ABCC5: variants seen among roughly 807,000 people sequenced by gnomAD.
ABCC5 encodes ATP binding cassette subfamily C member 5, also known as ATP-binding cassette sub-family C member 5.
ABCC5 carries 61 observed loss-of-function variants against 160.9 expected under a neutral mutation model. The ratio of observed to expected loss-of-function variants is 0.38; its 90% CI spans 0.31 to 0.47. ABCC5 has a LOEUF of 0.47. Ranked by LOEUF, ABCC5 falls within the 20% of genes least tolerant of loss-of-function variation. The pLI, the probability that ABCC5 is intolerant of heterozygous loss-of-function variation, is 0.99. For synonymous variants in ABCC5, 666 were observed against 700.6 expected (o/e 0.95, Z 0.78); for missense variants, 1,308 against 1,813.3 (o/e 0.72, Z 5.06).
intron 5 of ABCC5, chr3:183,984,276 A>G (rs763206625): frequency 2.3e-5 from 23 of 985,762 alleles, no homozygotes; most frequent in Non-Finnish European, 2.8e-5. Flanking sequence ...TCTAAAAATC[A>G]ATCTTGACAA....
At position 183,989,292 on chromosome 3, in the gene ABCC5, T is replaced by C; in HGVS notation, c.221A>G (p.Glu74Gly). ...SMHSQLRILD[E>G]EHPKGKYHHG... ...ATGGTACTTTCCCTTGGGATGCTCC[T>C]CATCCAGGATTCTGAGCTGAGAATG... Residue 74 changes from glutamate (E) to glycine (G), a missense_variant, in exon 3 of 30, where the codon GAG (glutamate) becomes GGG (glycine). Transcript: ENST00000334444. 1 of 1,610,760 alleles carries C rather than the reference T, an allele frequency of 6.2e-7. No homozygotes were observed. The highest frequency in any genetic ancestry group is 8.5e-7 in the Non-Finnish European group (1 of 1,177,936).
At chr3:183,983,152 T>A in intron 5 of ABCC5, 145 bp from the exon 6 acceptor site, 1 of 705,668 alleles carries the variant, frequency 1.4e-6, no homozygotes, top group South Asian at 1.8e-5. Flanking sequence ...ACCCAATTAT[T>A]ACAAGCTGCC....
In ABCC5 at chr3:183,951,616, T is replaced by C; in HGVS notation, c.2815-46A>G. 1 of 1,601,866 alleles carries C rather than the reference T, an allele frequency of 6.2e-7. No homozygotes were observed. The highest frequency in any genetic ancestry group is 8.5e-7 in the Non-Finnish European group (1 of 1,173,820). Reference sequence around the variant, plus strand: ...TGGTCAGGGCCCAGGGACGGCTCTGTTCCTACTGGTCCAGAGAACCGCTCC... The same window carrying C: ...TGGTCAGGGCCCAGGGACGGCTCTGCTCCTACTGGTCCAGAGAACCGCTCC... On this transcript the variant is annotated intron_variant, in intron 19 of 29. Transcript: ENST00000334444. This position sits in a 1 kb window ranked among gnomAD's most constrained non-coding sequence, Gnocchi z 4.7.
At chr3:183,924,010 CTTTTTTTTTT>C (rs200040197) in intron 29 of ABCC5, among the ~76,000 whole-genome samples, 53,160 of 113,294 alleles carry the variant, frequency 0.47, 10,922 homozygotes, top group Middle Eastern at 0.61. Flanking sequence ...TTACTGTTTG[CTTTTTTTTTT>C]TTTTTTTTTT....
At chr3:183,967,412 G>A (rs1366378037) in intron 12 of ABCC5, 4 of 384,424 alleles carry the variant, frequency 1.0e-5, no homozygotes, top group African/African-American at 6.2e-5. Flanking sequence ...GCATACCTGT[G>A]GCACTCAATA....
At position 183,971,802 on chromosome 3, in the gene ABCC5, T is replaced by C; in HGVS notation, c.1522A>G (p.Asn508Asp). The change falls in exon 11 of 30, where the codon AAC (asparagine) becomes GAC (aspartate). Residue 508 changes from asparagine (N) to aspartate (D), a missense_variant. Physicochemically the swap from Asn to Asp is conservative, Grantham distance 23. Around this residue, in one of 3 missense-constraint regions of ABCC5, gnomAD observed 1,142 missense variants for 1,527.1 expected, o/e 0.75. Coordinates refer to ENST00000334444, the MANE Select transcript of ABCC5 (RefSeq NM_005688.4). ...ATTTTGGGGGTCAGCTTGGGCGAGT[T>C]CTGGATACTGGAGTGGGAGGAGTCC... ...AWDSSHSSIQNSPKLTPKMKK... is the reference protein window; with the variant it reads ...AWDSSHSSIQDSPKLTPKMKK... The C allele has an allele frequency of 6.2e-7, 1 of 1,614,150 alleles. No homozygotes were observed. The highest frequency in any genetic ancestry group is 8.5e-7 in the Non-Finnish European group (1 of 1,180,030).
Position 183,925,594 on chromosome 3 carries a change from A to G in ABCC5, c.4173T>C (p.Val1391=). 1 of 1,613,970 alleles carries G rather than the reference A, an allele frequency of 6.2e-7. No individual in the cohort carries two copies. Among genetic ancestry groups the G allele is most frequent in the South Asian group, 1.1e-5 (1 of 91,070 alleles). Residue 1391 remains valine, a synonymous_variant, in exon 29 of 30, where the codon GTT becomes GTC. Transcript: ENST00000334444. ...MLTIAHRLHT[V]LGSDRIMVLA... The stretch of plus-strand genomic sequence containing the variant: ...GCACCATAATCCTATCGGAGCCTAG[A>G]ACCGTGTGCAGGCGATGGGCAATGG...
rs779578994 is a variant in ABCC5, at chr3:183,951,328, C to T, written c.2944+113G>A. ...TGTTCCTGGTGAAAACACCAGCAGT[C>T]ACTGTGCTCTCAGGATCTACAGACA... On this transcript the variant is annotated intron_variant, in intron 20 of 29. Transcript: ENST00000334444. This position sits in a 1 kb window ranked among gnomAD's most constrained non-coding sequence, Gnocchi z 4.7. The T allele has an allele frequency of 5.7e-5, 79 of 1,384,758 alleles. No individual in the cohort carries two copies. The highest frequency in any genetic ancestry group is 1.3e-4 in the South Asian group (9 of 68,072). 85.8% of individuals were successfully genotyped at this position (1,384,758 alleles called of 1,614,324 possible).
At chr3:183,957,977 T>C (rs1716348187) in intron 17 of ABCC5, among the ~76,000 whole-genome samples, 1 of 104,216 alleles carries the variant, frequency 9.6e-6, no homozygotes, top group Non-Finnish European at 2.1e-5. Flanking sequence ...TGCGGATCCG[T>C]GTGTACATCA....
chr3:183,946,047 C>T (rs1714810418), intron 23 of ABCC5, 108 bp from the exon 24 acceptor site: 9 of 946,090 alleles, frequency 9.5e-6, no homozygotes, highest in Non-Finnish European at 1.5e-5. Flanking sequence ...TGAGCACATG[C>T]AGCAGCTGGT....
chr3:184,004,501 C>T (rs1374062082), intron 2 of ABCC5, among the ~76,000 whole-genome samples: 7 of 119,034 alleles, frequency 5.9e-5, no homozygotes, highest in African/African-American at 1.5e-4. Context: ...ACAGAGACTC[C>T]GTCTCAAAAA....
rs1366133010 is a variant in ABCC5 at position 183,978,381 on chromosome 3, T to G, written c.1296+122A>C. ...TCTTGCTCTGTCCCCCAGGCTGGAG[T>G]GCAATGGCATGATCTTGGCTCACTG... On this transcript the variant is annotated intron_variant, in intron 9 of 29. Coordinates refer to ENST00000334444, the MANE Select transcript of ABCC5 (RefSeq NM_005688.4). 6.2e-6 allele frequency: 7 copies of G among 1,130,248 alleles called. No homozygotes were observed. The African/African-American group carries it at 9.3e-5, about 15-fold the overall frequency. The allele number at this position is 1,130,248 out of a possible 1,614,324, so 70.0% of individuals were successfully genotyped here.
intron 2 of ABCC5, among the ~76,000 whole-genome samples, chr3:184,004,210 A>G (rs2108905143): frequency 8.2e-6 from 1 of 122,402 alleles, no homozygotes; most frequent in South Asian, 2.4e-4. Flanking sequence ...TTCAGGCTTT[A>G]GCTAAAAAAA....
intron 28 of ABCC5, 30 bp from the exon 29 acceptor site, chr3:183,925,749 C>T (rs758404388): frequency 1.1e-5 from 18 of 1,599,700 alleles, no homozygotes; most frequent in African/African-American, 9.5e-5. Flanking sequence ...GAAAGAAACT[C>T]GATTAAATTC....
chr3:183,947,931 C>T (rs888325580), intron 22 of ABCC5, among the ~76,000 whole-genome samples: 2 of 152,178 alleles, frequency 1.3e-5, no homozygotes, highest in African/African-American at 4.8e-5. Flanking sequence ...GAAAAAGAAA[C>T]TCAGAGTGAA....
intron 27 of ABCC5, among the ~76,000 whole-genome samples, chr3:183,928,120 T>G (rs1712780349): frequency 6.6e-6 from 1 of 151,956 alleles, no homozygotes. Context: ...ATCTTTTTTT[T>G]TTTTTTTTTG....
chr3:183,972,142 A>G (rs941223095), intron 10 of ABCC5: 3 of 785,002 alleles, frequency 3.8e-6, no homozygotes, highest in Non-Finnish European at 6.4e-6. Context: ...TCAATGACCC[A>G]ATATTCCACA....
chr3:183,978,398 G>T, intron 9 of ABCC5, 105 bp downstream of exon 9: 1 of 1,362,514 alleles, frequency 7.3e-7, no homozygotes, highest in Non-Finnish European at 1.0e-6. Context: ...GCATGATCTT[G>T]GCTCACTGTA....
chr3:184,015,997 G>C lies in ABCC5; in HGVS notation c.-55-1550C>G, dbSNP rs557988494. Among the ~76,000 whole-genome samples, 7 of 152,318 alleles carry C rather than the reference G, an allele frequency of 4.6e-5. No homozygotes were observed. The East Asian group carries it at 7.7e-4, about 17-fold the overall frequency. Reference sequence around the variant, plus strand: ...TTGGGGCGGTGAGCAGTTTGAAACAGAGGAGGTCACTGGAACTCATCCACA... The same window carrying C: ...TTGGGGCGGTGAGCAGTTTGAAACACAGGAGGTCACTGGAACTCATCCACA... On this transcript the variant is annotated intron_variant, in intron 1 of 29. Transcript: ENST00000334444.
Sources: gnomAD v4.1 joint callset for allele counts (sites outside exome capture counted in the v4.1 genomes callset) on GRCh38, gnomAD v4.1.1 for gene constraint, gnomAD v4.1.1 regional missense constraint, Gnocchi (gnomAD v3.1) non-coding constraint, MANE v1.5 for transcripts, NCBI Gene and HGNC (gene_info 2026-07-23, HGNC 2026-07-21) for gene names.